SHCBP1L: variants seen among roughly 807,000 people sequenced by gnomAD.
The protein encoded by SHCBP1L is SHC binding and spindle associated 1 like, also known as testicular spindle-associated protein SHCBP1L.
Under a neutral mutation model 62.5 loss-of-function variants are expected in SHCBP1L, and 67 were observed. The observed-to-expected ratio is 1.07, with a 90% confidence interval of 0.88 to 1.31. SHCBP1L has a LOEUF of 1.31. SHCBP1L is among the 40% of genes most tolerant of loss of function. The pLI is 0.00. For missense variants in SHCBP1L, 823 were observed against 809.8 expected, an observed-to-expected ratio of 1.02 and a Z score of -0.20; for synonymous variants, 284 against 289.4, an observed-to-expected ratio of 0.98 and a Z score of 0.19.
intron 9 of SHCBP1L, among the ~76,000 whole-genome samples, chr1:182,901,030 A>G (rs1335475720): frequency 1.3e-5 from 2 of 152,250 alleles, no homozygotes; most frequent in Admixed American, 6.5e-5. Flanking sequence ...ATTTCAAATA[A>G]TATGTGATTT....
chr1:182,952,977 A>G lies in SHCBP1L; in HGVS notation c.157T>C (p.Ser53Pro). ...GCTTTCCCCTTCACCGGGCGAGGGG[A>G]GGCCACCACCGACCGCACTGGGATC... is the stretch of plus-strand genomic sequence containing the variant. Reference protein sequence around the residue: ...TAIPVRSVVASPRPVKGKAGR... With the variant: ...TAIPVRSVVAPPRPVKGKAGR... The change falls in exon 1 of 10, where the codon TCC (serine) becomes CCC (proline). Residue 53 changes from serine (S) to proline (P), a missense_variant. Coordinates refer to ENST00000367547, the MANE Select transcript of SHCBP1L (RefSeq NM_030933.4). The G allele has an allele frequency of 6.5e-7, 1 of 1,543,274 alleles. No homozygotes were observed. Among genetic ancestry groups the G allele is most frequent in the Non-Finnish European group, 8.7e-7 (1 of 1,147,592 alleles).
chr1:182,904,423 T>C lies in SHCBP1L; in HGVS notation c.1344A>G (p.Gly448=), dbSNP rs747186907. Residue 448 remains glycine, a synonymous_variant, in exon 8 of 10, where the codon GGA becomes GGG. Transcript: ENST00000367547. ...LTDDIIIKGV[G]KREEIMITSE... Reference sequence around the variant, plus strand: ...AAGTAATCATAATTTCCTCTCTCTTTCCAACTCCTGATTCATAGGGATAAA... The same window carrying C: ...AAGTAATCATAATTTCCTCTCTCTTCCCAACTCCTGATTCATAGGGATAAA... The C allele has an allele frequency of 5.0e-6, 8 of 1,613,994 alleles. No homozygotes were observed. The Admixed American group carries it at 1.3e-4, about 27-fold the overall frequency.
chr1:182,900,136 G>A lies in SHCBP1L; in HGVS notation c.1809C>T (p.Ile603=), dbSNP rs781537067. 28 of 1,611,866 alleles carry A rather than the reference G, an allele frequency of 1.7e-5. No individual in the cohort carries two copies. Among genetic ancestry groups the A allele is most frequent in the East Asian group, 2.2e-5 (1 of 44,764 alleles). The change falls in exon 10 of 10, where the codon ATC becomes ATT. Residue 603 remains isoleucine (I), a synonymous_variant. Coordinates refer to ENST00000367547, the MANE Select transcript of SHCBP1L (RefSeq NM_030933.4). ...SILQPMEQFF[I]VAEEALNKRA... ...TTTTGTTGAGAGCTTCTTCTGCTAC[G>A]ATAAAAAACTGTTCCATTGGTTGAA... is the stretch of plus-strand genomic sequence containing the variant.
intron 6 of SHCBP1L, among the ~76,000 whole-genome samples, chr1:182,927,415 G>A (rs1650803936): frequency 6.6e-6 from 1 of 152,098 alleles, no homozygotes; most frequent in Non-Finnish European, 1.5e-5. Context: ...GCTCACGCCT[G>A]TAATCCCAGC....
intron 6 of SHCBP1L, among the ~76,000 whole-genome samples, chr1:182,924,366 C>T (rs1650609252): frequency 6.7e-6 from 1 of 149,608 alleles, no homozygotes; most frequent in Admixed American, 6.7e-5. Flanking sequence ...TGGCTGATCT[C>T]AGTTCACTGC....
At chr1:182,940,856 C>T (rs1651339837) in intron 2 of SHCBP1L, among the ~76,000 whole-genome samples, 1 of 151,952 alleles carries the variant, frequency 6.6e-6, no homozygotes, top group African/African-American at 2.4e-5. Flanking sequence ...GACACACACA[C>T]ATATGGCAGG....
At chr1:182,930,695 GTGTGTGTGTA>G (rs1461130541) in intron 5 of SHCBP1L, among the ~76,000 whole-genome samples, 44 of 74,606 alleles carry the variant, frequency 5.9e-4, no homozygotes, top group South Asian at 9.7e-4. Context: ...GTGTGTGTGT[GTGTGTGTGTA>G]TATATATATA....
Position 182,904,576 on chromosome 1 carries a change from T to TGTGTGC in SHCBP1L, c.1337-147_1337-146insGCACAC, listed in dbSNP as rs1491153422. On this transcript the variant is annotated intron_variant, in intron 7 of 9. Transcript: ENST00000367547. ...GTGTGTGTGTGTGTGTGTGTGTGTG[T>TGTGTGC]GCGCATGCGCATTTTTAGAGATGGT... 281 of 701,964 alleles carry TGTGTGC rather than the reference T, an allele frequency of 4.0e-4. 1 individual carries two copies. The African/African-American group carries it at 4.7e-3, about 12-fold the overall frequency. 43.5% of individuals were successfully genotyped at this position (701,964 alleles called of 1,614,324 possible).
chr1:182,924,768 GAAAGAAAGAA>G (rs1650646683), intron 6 of SHCBP1L, among the ~76,000 whole-genome samples: 2 of 93,174 alleles, frequency 2.1e-5, no homozygotes, highest in Admixed American at 1.2e-4. Flanking sequence ...AAGAAAGAAA[GAAAGAAAGAA>G]AGAAAGAAAG....
intron 2 of SHCBP1L, among the ~76,000 whole-genome samples, chr1:182,947,186 G>A (rs976493758): frequency 6.1e-5 from 9 of 148,010 alleles, no homozygotes; most frequent in Non-Finnish European, 1.3e-4. Context: ...GCAGTGAGCC[G>A]AGATCGCGCC....
At chr1:182,930,888 GC>G (rs1650976890) in intron 5 of SHCBP1L, among the ~76,000 whole-genome samples, 2 of 135,848 alleles carry the variant, frequency 1.5e-5, no homozygotes, top group Non-Finnish European at 1.6e-5. Context: ...ACCTTGCCTG[GC>G]TTTTTTTTTT....
intron 3 of SHCBP1L, among the ~76,000 whole-genome samples, chr1:182,939,802 C>T (rs200017063): frequency 6.6e-6 from 1 of 151,958 alleles, no homozygotes; most frequent in East Asian, 1.9e-4. Flanking sequence ...TAGATTTTGG[C>T]TATTATTTGC....
chr1:182,925,315 A>G lies in SHCBP1L; in HGVS notation c.1182+4332T>C, dbSNP rs950394382. 5.3e-5 allele frequency among the ~76,000 whole-genome samples: 8 copies of G among 152,218 alleles called. No homozygotes were observed. The East Asian group carries it at 7.7e-4, about 15-fold the overall frequency. On this transcript the variant is annotated intron_variant, in intron 6 of 9. Transcript: ENST00000367547. ...AGGGTCTAGTATTCAGAATATATAA[A>G]TAACTCTTATAGTCAATAACAAGAA...
At chr1:182,926,399 A>C (rs1031230363) in intron 6 of SHCBP1L, among the ~76,000 whole-genome samples, 3 of 152,186 alleles carry the variant, frequency 2.0e-5, no homozygotes, top group Admixed American at 6.5e-5. Flanking sequence ...TGATGGCTAT[A>C]TTATTGGGAT....
intron 6 of SHCBP1L, among the ~76,000 whole-genome samples, chr1:182,910,520 G>A (rs533836606): frequency 5.1e-4 from 77 of 152,180 alleles, no homozygotes; most frequent in African/African-American, 1.8e-3. Flanking sequence ...CTTTCCCTTT[G>A]CCCCATAGAT....
In SHCBP1L at chr1:182,951,510, T is replaced by G. The variant is rs746712383; in HGVS notation, c.406-43A>C. ...GGATCTACATATAAATATATGAAAT[T>G]ATAGATTTTAAACTAAGTGGTTTTT... On this transcript the variant is annotated intron_variant, in intron 1 of 9. Transcript: ENST00000367547. 10 of 1,368,414 alleles carry G rather than the reference T, an allele frequency of 7.3e-6. 1 individual carries two copies. The South Asian group carries it at 1.6e-4, about 22-fold the overall frequency. 84.8% of individuals were successfully genotyped at this position (1,368,414 alleles called of 1,614,324 possible). A position where few individuals can be genotyped will look rare whatever the true frequency, so the allele number is the denominator to read the frequency against.
At chr1:182,952,177 AAAAAAAAAAAAAAAAT>A (rs1651773591) in intron 1 of SHCBP1L, among the ~76,000 whole-genome samples, 1 of 43,574 alleles carries the variant, frequency 2.3e-5, no homozygotes, top group Non-Finnish European at 4.0e-5. Context: ...AAAAAAAAAA[AAAAAAAAAAAAAAAAT>A]ATATATATAT....
chr1:182,931,023 C>G (rs1171777861), intron 5 of SHCBP1L, among the ~76,000 whole-genome samples: 1 of 151,272 alleles, frequency 6.6e-6, no homozygotes, highest in Non-Finnish European at 1.5e-5. Context: ...TGGCCAGTAC[C>G]AATATTTTTG....
At chr1:182,924,794 A>AAAGAGAG (rs1650658121) in intron 6 of SHCBP1L, among the ~76,000 whole-genome samples, 1 of 117,426 alleles carries the variant, frequency 8.5e-6, no homozygotes, top group African/African-American at 5.0e-5. Context: ...GAAAGAGAGA[A>AAAGAGAG]AGAAAGGAAG....
Sources: gnomAD v4.1 joint callset for allele counts (sites outside exome capture counted in the v4.1 genomes callset) on GRCh38, gnomAD v4.1.1 for gene constraint, MANE v1.5 for transcripts, NCBI Gene and HGNC (gene_info 2026-07-23, HGNC 2026-07-21) for gene names.